The following DNAH14 variants were observed in gnomAD, a reference collection of about 807,000 sequenced individuals.
DNAH14 encodes dynein axonemal heavy chain 14, also known as axonemal beta dynein heavy chain 14.
In DNAH14, 478 loss-of-function variants were observed where a neutral mutation model predicts 520.9. The ratio of observed to expected loss-of-function variants is 0.92; its 90% CI spans 0.85 to 0.99. The LOEUF (loss-of-function observed/expected upper bound fraction) is 0.99, where lower values mean the gene tolerates loss of function less well. DNAH14 is among the 50% of genes least tolerant of loss of function. The probability of loss-of-function intolerance (pLI) is 0.00; values close to 1 mark genes in which losing one functional copy is unlikely to be tolerated. For missense variants in DNAH14, 4,831 were observed against 5,234.5 expected, an observed-to-expected ratio of 0.92 and a Z score of 2.38; for synonymous variants, 1,581 against 1,757.2, an observed-to-expected ratio of 0.90 and a Z score of 2.51.
Position 225,043,017 on chromosome 1 carries a change from T to G in DNAH14, c.1671T>G (p.Asn557Lys). 6.4e-7 allele frequency: 1 copy of G among 1,551,474 alleles called. No homozygotes were observed. The change falls in exon 13 of 86, where the codon AAT becomes AAG. Residue 557 changes from asparagine (N) to lysine (K), a missense_variant. Transcript: ENST00000682510. The part of the protein sequence containing the change: ...CVMFEDEMSE[N>K]KDNCVKKHSS... ...TGTTTGAAGATGAAATGTCAGAAAATAAAGACAATTGTGTCAAAAAACACT... is the reference window on the plus strand; with the variant it reads ...TGTTTGAAGATGAAATGTCAGAAAAGAAAGACAATTGTGTCAAAAAACACT...
chr1:225,237,414 T>C (rs762333455), intron 42 of DNAH14, among the ~76,000 whole-genome samples: 4 of 152,226 alleles, frequency 2.6e-5, no homozygotes, highest in Admixed American at 1.3e-4. Flanking sequence ...GGTTGTAAAC[T>C]CTAGGAATGT....
intron 54 of DNAH14, among the ~76,000 whole-genome samples, chr1:225,277,783 T>G (rs1408604782): frequency 6.6e-6 from 1 of 152,194 alleles, no homozygotes; most frequent in East Asian, 1.9e-4. Flanking sequence ...GATCCTGACT[T>G]CAAAAATAGT....
rs1263421638 is a variant in DNAH14, at chr1:225,272,192, T to C, written c.7839+119T>C. On this transcript the variant is annotated intron_variant, in intron 51 of 85. Transcript: ENST00000682510. ...GGAAATGAATGTTGGTTAGTTTTGC[T>C]ATTAGCAGCTTATCTCATGAGTTAG... 4 of 978,894 alleles carry C rather than the reference T, an allele frequency of 4.1e-6. No homozygotes were observed. The African/African-American group carries it at 6.6e-5, about 16-fold the overall frequency. 60.6% of individuals were successfully genotyped at this position (978,894 alleles called of 1,614,324 possible). A position where few individuals can be genotyped will look rare whatever the true frequency, so the allele number is the denominator to read the frequency against.
chr1:224,942,784 C>T (rs558380815), intron 1 of DNAH14, among the ~76,000 whole-genome samples: 1 of 152,218 alleles, frequency 6.6e-6, no homozygotes, highest in East Asian at 1.9e-4. Flanking sequence ...GTCTTTGGTT[C>T]TGTTTATATG....
intron 50 of DNAH14, 42 bp downstream of exon 50, chr1:225,270,908 C>G (rs1574427036): frequency 2.6e-6 from 4 of 1,515,438 alleles, no homozygotes; most frequent in East Asian, 5.0e-5. Flanking sequence ...AAATTAATTC[C>G]CTAGAATAAG....
At chr1:225,371,753 C>T (rs2095621291) in intron 77 of DNAH14, among the ~76,000 whole-genome samples, 1 of 152,042 alleles carries the variant, frequency 6.6e-6, no homozygotes, top group Admixed American at 6.6e-5. Context: ...AGCAATAAAG[C>T]CTCCCTGGTA....
At chr1:225,129,343 A>G (rs2078124263) in intron 27 of DNAH14, among the ~76,000 whole-genome samples, 1 of 152,134 alleles carries the variant, frequency 6.6e-6, no homozygotes, top group African/African-American at 2.4e-5. Flanking sequence ...GAACCAAAAA[A>G]GAGCCCGCAT....
intron 35 of DNAH14, 22 bp downstream of exon 35, chr1:225,159,507 A>T: frequency 6.7e-7 from 1 of 1,487,964 alleles, no homozygotes; most frequent in Non-Finnish European, 8.9e-7. Context: ...TTTGAAAATC[A>T]TCACCAATTA....
chr1:225,177,272 A>G (rs1207001373), intron 36 of DNAH14, among the ~76,000 whole-genome samples: 1 of 152,216 alleles, frequency 6.6e-6, no homozygotes, highest in African/African-American at 2.4e-5. Flanking sequence ...AGAAATTTCT[A>G]AGCAGCAAAG....
chr1:225,205,941 C>A, intron 39 of DNAH14, 30 bp from the exon 40 acceptor site: 1 of 1,498,076 alleles, frequency 6.7e-7, no homozygotes, highest in Non-Finnish European at 9.1e-7. Context: ...ACATTAGTCT[C>A]AGTTACATTA....
intron 23 of DNAH14, among the ~76,000 whole-genome samples, chr1:225,106,982 T>C (rs2076114452): frequency 6.6e-6 from 1 of 152,228 alleles, no homozygotes; most frequent in Non-Finnish European, 1.5e-5. Flanking sequence ...TTTTTTCTAC[T>C]CTGTTTTTTC....
chr1:225,297,864 T>C (rs2094045587), intron 55 of DNAH14, among the ~76,000 whole-genome samples: 1 of 152,190 alleles, frequency 6.6e-6, no homozygotes, highest in African/African-American at 2.4e-5. Flanking sequence ...TGGTTGTGTG[T>C]CTGCCAGAGT....
At chr1:225,103,964 G>A (rs2075774783) in intron 23 of DNAH14, among the ~76,000 whole-genome samples, 2 of 142,230 alleles carry the variant, frequency 1.4e-5, no homozygotes, top group African/African-American at 5.2e-5. Context: ...TCCCTGTCTT[G>A]TGCCAGTTTT....
chr1:225,145,018 A>G (rs963675614), intron 29 of DNAH14, among the ~76,000 whole-genome samples: 3 of 152,148 alleles, frequency 2.0e-5, no homozygotes, highest in African/African-American at 7.2e-5. Flanking sequence ...AGAGAAAAGC[A>G]GTAGTAGTTA....
chr1:225,086,838 G>A (rs983580049), intron 21 of DNAH14, among the ~76,000 whole-genome samples: 4 of 152,142 alleles, frequency 2.6e-5, no homozygotes, highest in African/African-American at 7.2e-5. Flanking sequence ...AAATTTAGAA[G>A]TAAGGAACAG....
At chr1:225,366,568 T>C (rs777571399) in intron 76 of DNAH14, among the ~76,000 whole-genome samples, 5 of 152,162 alleles carry the variant, frequency 3.3e-5, no homozygotes, top group Non-Finnish European at 5.9e-5. Context: ...TTCTCCACAA[T>C]TAGGGCTAAG....
chr1:225,200,990 A>G (rs1419826167), intron 38 of DNAH14, among the ~76,000 whole-genome samples: 1 of 151,754 alleles, frequency 6.6e-6, no homozygotes, highest in East Asian at 1.9e-4. Flanking sequence ...TAAGAACACC[A>G]ATTATTCTTA....
intron 75 of DNAH14, among the ~76,000 whole-genome samples, chr1:225,361,327 A>C (rs981333458): frequency 2.0e-5 from 3 of 152,230 alleles, no homozygotes; most frequent in African/African-American, 7.2e-5. Flanking sequence ...TCTCTAGCTC[A>C]AAATACTTTT....
chr1:225,321,332 A>G (rs2094552394), intron 61 of DNAH14, among the ~76,000 whole-genome samples: 1 of 152,226 alleles, frequency 6.6e-6, no homozygotes, highest in South Asian at 2.1e-4. Flanking sequence ...TACTGGGCTT[A>G]GTACCTGGGT....
Sources: gnomAD v4.1 joint callset for allele counts (sites outside exome capture counted in the v4.1 genomes callset) on GRCh38, gnomAD v4.1.1 for gene constraint, MANE v1.5 for transcripts, NCBI Gene and HGNC (gene_info 2026-07-23, HGNC 2026-07-21) for gene names.